EML6: variants seen among roughly 807,000 people sequenced by gnomAD.
EML6 encodes echinoderm microtubule-associated protein-like 6.
In EML6, 154 loss-of-function variants were observed where a neutral mutation model predicts 240.1. The observed-to-expected ratio is 0.64, with a 90% CI of 0.56 to 0.73. EML6 has a LOEUF of 0.73. EML6 is among the 30% of genes least tolerant of loss of function. The pLI is 0.00. For missense variants in EML6, 2,964 were observed against 2,474.6 expected (o/e 1.20, Z -4.20); for synonymous variants, 1,148 against 899.0 (o/e 1.28, Z -4.95).
intron 2 of EML6, among the ~76,000 whole-genome samples, chr2:54,762,082 A>C (rs1572867615): frequency 6.6e-6 from 1 of 152,156 alleles, no homozygotes; most frequent in South Asian, 2.1e-4. Flanking sequence ...CTGGTATAAG[A>C]TCCAGCTCAG....
chr2:54,751,413 G>A (rs1380355512), intron 2 of EML6, among the ~76,000 whole-genome samples: 4 of 152,130 alleles, frequency 2.6e-5, no homozygotes, highest in African/African-American at 7.2e-5. Context: ...TGAATACTGA[G>A]CAGAAGGTTC....
Position 54,957,889 on chromosome 2 carries a change from A to T in EML6, c.4586A>T (p.His1529Leu), listed in dbSNP as rs1404902351. ...CAGTTTGTATCTGTCGGGGTCAAAC[A>T]TATGAAGTTCTGGACCCTGGCAGGC... is the stretch of plus-strand genomic sequence containing the variant. ...DTQFVSVGVK[H>L]MKFWTLAGSA... Residue 1529 changes from histidine (H) to leucine (L), a missense_variant, in exon 33 of 42, where the codon CAT (histidine) becomes CTT (leucine). Transcript: ENST00000356458. 31 of 1,551,456 alleles carry T rather than the reference A, an allele frequency of 2.0e-5. No individual in the cohort carries two copies. Among genetic ancestry groups the T allele is most frequent in the East Asian group, 2.4e-5 (1 of 40,938 alleles).
intron 30 of EML6, 87 bp from the exon 31 acceptor site, chr2:54,952,507 A>G (rs1343260060): frequency 2.4e-5 from 18 of 743,642 alleles, no homozygotes; most frequent in Non-Finnish European, 3.8e-5. Context: ...TATAAGAAGT[A>G]TCCAATGGCT....
intron 14 of EML6, chr2:54,868,822 G>C (rs749280783): frequency 5.1e-6 from 1 of 195,524 alleles, no homozygotes; most frequent in Non-Finnish European, 1.0e-5. Context: ...AGATGGAGGA[G>C]AGGAATGGCT....
At chr2:54,863,185 GC>G (rs1670774201) in intron 12 of EML6, among the ~76,000 whole-genome samples, 2 of 152,184 alleles carry the variant, frequency 1.3e-5, no homozygotes, top group Admixed American at 6.5e-5. Context: ...TGGTTAAAAG[GC>G]TAAAGAGGAT....
intron 12 of EML6, 95 bp downstream of exon 12, chr2:54,859,796 CA>C: frequency 9.2e-7 from 1 of 1,091,448 alleles, no homozygotes; most frequent in Non-Finnish European, 1.2e-6. Context: ...AGGATTTAAG[CA>C]ATTTTGGAAA....
At chr2:54,928,168 C>A in intron 26 of EML6, 145 bp from the exon 27 acceptor site, 3 of 693,968 alleles carry the variant, frequency 4.3e-6, no homozygotes, top group South Asian at 1.7e-5. Flanking sequence ...TAGTGCCTGC[C>A]CACATGGAGC....
At position 54,800,445 on chromosome 2, in the gene EML6, G is replaced by A. The variant is rs577155601; in HGVS notation, c.198-12787G>A. Among the ~76,000 whole-genome samples, 7 of 152,064 alleles carry A rather than the reference G, an allele frequency of 4.6e-5. No individual in the cohort carries two copies. The East Asian group carries it at 1.4e-3, about 29-fold the overall frequency. The stretch of plus-strand genomic sequence containing the variant: ...TAAATATATGTATATATATTTTGGG[G>A]TACCTATTTTCAATATAAGGACTCT... On this transcript the variant is annotated intron_variant, in intron 2 of 41. Coordinates refer to ENST00000356458, the MANE Select transcript of EML6 (RefSeq NM_001039753.4).
intron 25 of EML6, among the ~76,000 whole-genome samples, chr2:54,915,776 TTTCAAA>T (rs1673877676): frequency 6.6e-6 from 1 of 152,008 alleles, no homozygotes; most frequent in African/African-American, 2.4e-5. Flanking sequence ...TGCAAAACAG[TTTCAAA>T]TTCAAAAAGA....
At position 54,968,296 on chromosome 2, in the gene EML6, G is replaced by A; in HGVS notation, c.5751+15G>A. 3 of 1,551,616 alleles carry A rather than the reference G, an allele frequency of 1.9e-6. No individual in the cohort carries two copies. Among genetic ancestry groups the A allele is most frequent in the Non-Finnish European group, 1.7e-6 (2 of 1,146,936 alleles). ...CAGAAAAATTTGTGAGTGTTCCTCA[G>A]AGTAACCTCCCTGCAGGTTCTCTGT... On this transcript the variant is annotated intron_variant, in intron 40 of 41. Transcript: ENST00000356458.
intron 22 of EML6, 114 bp from the exon 23 acceptor site, chr2:54,902,930 A>T (rs1673136014): frequency 1.2e-5 from 11 of 910,546 alleles, no homozygotes; most frequent in Non-Finnish European, 1.8e-5. Flanking sequence ...GTCAATTTAA[A>T]GGCAGTCACG....
At chr2:54,898,942 G>T (rs536319370) in intron 21 of EML6, among the ~76,000 whole-genome samples, 22 of 152,292 alleles carry the variant, frequency 1.4e-4, no homozygotes, top group African/African-American at 5.3e-4. Context: ...TTCTAAGCCA[G>T]CCAAGTGTGT....
intron 36 of EML6, among the ~76,000 whole-genome samples, chr2:54,963,680 C>T (rs1676624910): frequency 6.6e-6 from 1 of 152,210 alleles, no homozygotes; most frequent in African/African-American, 2.4e-5. Context: ...TCTTGTGCTA[C>T]AGTGGCAAAG....
rs756826490 is a variant in EML6 at position 54,863,773 on chromosome 2, A to G, written c.1826-10A>G. 1.1e-5 allele frequency: 16 copies of G among 1,469,100 alleles called. No individual in the cohort carries two copies. In the African/African-American group the frequency reaches 1.8e-4, roughly 17 times the overall value. 91.0% of individuals were successfully genotyped at this position (1,469,100 alleles called of 1,614,324 possible). A position where few individuals can be genotyped will look rare whatever the true frequency, so the allele number is the denominator to read the frequency against. ...TTTTTGCTTGTTTCTTGTGGGTTGT[A>G]TCTCTGCAGAAGGTGGAGCTGATTC... is the stretch of plus-strand genomic sequence containing the variant. On this transcript the variant is annotated splice_polypyrimidine_tract_variant and intron_variant, in intron 12 of 41. Transcript: ENST00000356458.
In EML6 at chr2:54,971,840, C is replaced by T. The variant is rs557834054; in HGVS notation, c.*1745C>T. On this transcript the variant is annotated 3_prime_UTR_variant, in exon 42 of 42. Transcript: ENST00000356458. ...ACCATATTTAAAGAGCAATAGTGTC[C>T]GTGTGTCATGAAAAACTTATTTGTA... is the stretch of plus-strand genomic sequence containing the variant. 6.6e-5 allele frequency: 10 copies of T among 152,198 alleles called. No homozygotes were observed. Among genetic ancestry groups the T allele is most frequent in the East Asian group, 1.9e-4 (1 of 5,192 alleles). 9.4% of individuals were successfully genotyped at this position (152,198 alleles called of 1,614,324 possible).
chr2:54,839,578 C>A (rs1669332582), intron 7 of EML6, among the ~76,000 whole-genome samples: 1 of 152,196 alleles, frequency 6.6e-6, no homozygotes, highest in South Asian at 2.1e-4. Context: ...TCCCTTCCAC[C>A]CATGTGTAGC....
intron 21 of EML6, among the ~76,000 whole-genome samples, chr2:54,896,816 C>T (rs945437646): frequency 1.3e-5 from 2 of 152,138 alleles, no homozygotes; most frequent in Non-Finnish European, 2.9e-5. Context: ...GCTCAGGACA[C>T]TGCAAGGCTT....
At chr2:54,748,369 G>C (rs1273615712) in intron 2 of EML6, 1 of 152,168 alleles carries the variant, frequency 6.6e-6, no homozygotes, top group Non-Finnish European at 1.5e-5. Flanking sequence ...CCTGGATTGG[G>C]AGAATATGGA....
chr2:54,899,577 G>T, intron 21 of EML6, 64 bp from the exon 22 acceptor site: 1 of 1,490,392 alleles, frequency 6.7e-7, no homozygotes, highest in East Asian at 2.5e-5. Context: ...GTAGCACCAG[G>T]CTAAAGAAGG....
Sources: gnomAD v4.1 joint callset for allele counts (sites outside exome capture counted in the v4.1 genomes callset) on GRCh38, gnomAD v4.1.1 for gene constraint, MANE v1.5 for transcripts, NCBI Gene and HGNC (gene_info 2026-07-23, HGNC 2026-07-21) for gene names.